KCNH5: variants seen among roughly 807,000 people sequenced by gnomAD.
KCNH5 encodes potassium voltage-gated channel subfamily H member 5, also known as voltage-gated delayed rectifier potassium channel KCNH5.
In KCNH5, 46 loss-of-function variants were observed where a neutral mutation model predicts 96.1. The ratio of observed to expected loss-of-function variants is 0.48; its 90% confidence interval spans 0.38 to 0.61. KCNH5 has a LOEUF of 0.61. Ranked by LOEUF, KCNH5 falls within the 20% of genes least tolerant of loss-of-function variation. The pLI is 0.00. For missense variants in KCNH5, 907 were observed against 1,225.8 expected (o/e 0.74, Z 3.88); for synonymous variants, 439 against 449.8 (o/e 0.98, Z 0.30).
At chr14:62,907,765 A>G (rs1456451445) in intron 7 of KCNH5, among the ~76,000 whole-genome samples, 1 of 152,162 alleles carries the variant, frequency 6.6e-6, no homozygotes, top group East Asian at 1.9e-4. Flanking sequence ...TCTCAAGCTC[A>G]TGTGGCCTGG....
intron 7 of KCNH5, among the ~76,000 whole-genome samples, chr14:62,851,304 T>A (rs1468698525): frequency 1.3e-5 from 2 of 152,036 alleles, no homozygotes; most frequent in African/African-American, 2.4e-5. Flanking sequence ...AACAAAAAAA[T>A]TATCATTTTG....
At chr14:62,909,263 T>A (rs1477946687) in intron 7 of KCNH5, among the ~76,000 whole-genome samples, 1 of 151,432 alleles carries the variant, frequency 6.6e-6, no homozygotes, top group Non-Finnish European at 1.5e-5. Context: ...GCCGGGATGG[T>A]CTCGATCTCC....
At position 62,712,798 on chromosome 14, in the gene KCNH5, G is replaced by A. The variant is rs372015242; in HGVS notation, c.2020-4343C>T. The A allele has an allele frequency of 3.5e-4, 254 of 726,852 alleles. 2 individuals are homozygous for A. Among genetic ancestry groups the A allele is most frequent in the South Asian group, 1.1e-3 (76 of 67,980 alleles). 45.0% of individuals were successfully genotyped at this position (726,852 alleles called of 1,614,324 possible). Reference sequence around the variant, plus strand: ...CCTAGACCTTGAAAGAGCTTTGTGCGAGGCAGTCTCTAGACTCTCCTTACT... The same window carrying A: ...CCTAGACCTTGAAAGAGCTTTGTGCAAGGCAGTCTCTAGACTCTCCTTACT... On this transcript the variant is annotated intron_variant, in intron 10 of 10. Transcript: ENST00000322893.
intron 7 of KCNH5, among the ~76,000 whole-genome samples, chr14:62,887,031 T>C (rs540328742): frequency 2.6e-5 from 4 of 152,296 alleles, no homozygotes; most frequent in Admixed American, 2.6e-4. Context: ...TCTTTGACAA[T>C]GGCATAAAGA....
rs1891906052 is a variant in KCNH5, at chr14:63,045,382, C to A, written c.-196G>T. 2 of 610,886 alleles carry A rather than the reference C, an allele frequency of 3.3e-6. No homozygotes were observed. Among genetic ancestry groups the A allele is most frequent in the South Asian group, 3.7e-5 (2 of 54,250 alleles). 37.8% of individuals were successfully genotyped at this position (610,886 alleles called of 1,614,324 possible). On this transcript the variant is annotated 5_prime_UTR_variant, in exon 1 of 11. Transcript: ENST00000322893. Reference sequence around the variant, plus strand: ...AGCAGCTCTGGGGAGGAGGACCAGGCAGTTCATGGTAGTAGCGCTCCCCCG... The same window carrying A: ...AGCAGCTCTGGGGAGGAGGACCAGGAAGTTCATGGTAGTAGCGCTCCCCCG...
chr14:62,930,735 C>G (rs1889565341), intron 7 of KCNH5, among the ~76,000 whole-genome samples: 1 of 152,128 alleles, frequency 6.6e-6, no homozygotes, highest in South Asian at 2.1e-4. Context: ...ATTCAGCCCT[C>G]ATTTTTTTAA....
chr14:62,948,562 C>T (rs201603263), intron 7 of KCNH5, among the ~76,000 whole-genome samples: 1 of 151,830 alleles, frequency 6.6e-6, no homozygotes, highest in African/African-American at 2.4e-5. Flanking sequence ...GGATTCACAG[C>T]CGAATTCTAC....
At chr14:62,951,092 G>T (rs746232444) in intron 6 of KCNH5, among the ~76,000 whole-genome samples, 4 of 152,126 alleles carry the variant, frequency 2.6e-5, no homozygotes, top group Non-Finnish European at 4.4e-5. Context: ...AAATACCATT[G>T]TTGGCCCCAC....
intron 7 of KCNH5, among the ~76,000 whole-genome samples, chr14:62,926,480 A>G (rs530200785): frequency 3.4e-4 from 52 of 152,122 alleles, no homozygotes; most frequent in Non-Finnish European, 6.5e-4. Context: ...AGAAAGAAAG[A>G]AGAGCCTTGG....
In KCNH5 at chr14:62,981,104, G is replaced by A; in HGVS notation, c.710C>T (p.Ser237Phe). The A allele has an allele frequency of 2.5e-6, 4 of 1,614,146 alleles. No homozygotes were observed. Among genetic ancestry groups the A allele is most frequent in the South Asian group, 1.1e-5 (1 of 91,078 alleles). Residue 237 changes from serine to phenylalanine, a missense_variant, in exon 6 of 11, where the codon TCC becomes TTC. By Grantham distance (155) the Ser-to-Phe change is radical (BLOSUM62 -2). Around this residue, in one of 6 missense-constraint regions of KCNH5, gnomAD observed 370 missense variants for 561.3 expected, o/e 0.66. Transcript: ENST00000322893. ...TATGTTGTTCTGCTTTGTTTTGAAG[G>A]AAACATTATAAGGAACCATAATGGC... ...YTAIMVPYNV[S>F]FKTKQNNIAW...
chr14:62,714,788 T>C (rs1465457023), intron 10 of KCNH5, among the ~76,000 whole-genome samples: 1 of 152,204 alleles, frequency 6.6e-6, no homozygotes, highest in African/African-American at 2.4e-5. Flanking sequence ...AATATTTGGT[T>C]TTATTCTCAG....
chr14:62,750,107 A>G (rs1011367416), intron 10 of KCNH5, among the ~76,000 whole-genome samples: 11 of 152,146 alleles, frequency 7.2e-5, no homozygotes, highest in South Asian at 2.1e-4. Flanking sequence ...CTGTTTGCCA[A>G]TCTTCACCAG....
At position 62,971,187 on chromosome 14, in the gene KCNH5, T is replaced by A. The variant is rs143754907; in HGVS notation, c.942+9685A>T. ...GCAAGGTTCCAGGTTACAAGGTTAA[T>A]ACACAAAAGGCAATTGCTTTTCTGT... On this transcript the variant is annotated intron_variant, in intron 6 of 10. Coordinates refer to ENST00000322893, the MANE Select transcript of KCNH5 (RefSeq NM_139318.5). 1.6e-3 allele frequency among the ~76,000 whole-genome samples: 242 copies of A among 152,238 alleles called. 2 individuals carry two copies. The highest frequency in any genetic ancestry group is 2.8e-3 in the Non-Finnish European group (191 of 67,968).
At chr14:62,838,188 T>C (rs1397178582) in intron 8 of KCNH5, among the ~76,000 whole-genome samples, 1 of 152,202 alleles carries the variant, frequency 6.6e-6, no homozygotes, top group African/African-American at 2.4e-5. Flanking sequence ...ATATATATTC[T>C]GAGACTAAGT....
chr14:62,906,000 A>G (rs114257961), intron 7 of KCNH5, among the ~76,000 whole-genome samples: 1,675 of 152,324 alleles, frequency 0.011, 44 homozygotes, highest in African/African-American at 0.038. Context: ...TTACTCAAAA[A>G]GGTAGCACAT....
intron 10 of KCNH5, among the ~76,000 whole-genome samples, chr14:62,743,497 C>T (rs1885314460): frequency 6.6e-6 from 1 of 152,026 alleles, no homozygotes; most frequent in South Asian, 2.1e-4. Context: ...AGGATTTTTA[C>T]CTATTAAAAT....
intron 10 of KCNH5, among the ~76,000 whole-genome samples, chr14:62,709,103 G>A (rs1377934739): frequency 6.6e-6 from 1 of 151,052 alleles, no homozygotes; most frequent in Non-Finnish European, 1.5e-5. Flanking sequence ...CGCAGTGGCG[G>A]GCGCCTGTAG....
chr14:62,990,261 A>G (rs1890784990), intron 4 of KCNH5, among the ~76,000 whole-genome samples: 1 of 152,106 alleles, frequency 6.6e-6, no homozygotes, highest in Non-Finnish European at 1.5e-5. Flanking sequence ...AAATATGACA[A>G]TGAAAGCTTA....
intron 10 of KCNH5, among the ~76,000 whole-genome samples, chr14:62,752,141 T>C (rs887807172): frequency 3.9e-5 from 6 of 152,130 alleles, no homozygotes; most frequent in Admixed American, 2.0e-4. Context: ...TGGGTCTTGA[T>C]CTGGAACTGC....
Sources: gnomAD v4.1 joint callset for allele counts (sites outside exome capture counted in the v4.1 genomes callset) on GRCh38, gnomAD v4.1.1 for gene constraint, gnomAD v4.1.1 regional missense constraint, MANE v1.5 for transcripts, NCBI Gene and HGNC (gene_info 2026-07-23, HGNC 2026-07-21) for gene names.